Variants in BTBD8 observed in about 807,000 individuals in gnomAD.
BTBD8 encodes BTB domain containing 8, also known as BTB/POZ domain-containing protein 8.
In BTBD8, 110 loss-of-function variants were observed where a neutral mutation model predicts 162.9. The observed-to-expected ratio is 0.68, with a 90% CI of 0.58 to 0.79. The LOEUF (loss-of-function observed/expected upper bound fraction) is 0.79, where lower values mean the gene tolerates loss of function less well. BTBD8 is among the 30% of genes least tolerant of loss of function. The pLI is 0.00. For missense variants in BTBD8, 1,905 were observed against 2,085.4 expected, an observed-to-expected ratio of 0.91 and a Z score of 1.68; for synonymous variants, 667 against 716.1, an observed-to-expected ratio of 0.93 and a Z score of 1.10.
intron 13 of BTBD8, among the ~76,000 whole-genome samples, chr1:92,174,668 G>T (rs567792940): frequency 1.4e-4 from 22 of 152,000 alleles, no homozygotes; most frequent in Middle Eastern, 3.4e-3. Flanking sequence ...AACAAAAAAT[G>T]AGGACCAAGC....
chr1:92,147,787 G>T lies in BTBD8; in HGVS notation c.1122+1G>T. 6.2e-7 allele frequency: 1 copy of T among 1,606,830 alleles called. No homozygotes were observed. The highest frequency in any genetic ancestry group is 1.7e-4 in the Middle Eastern group (1 of 6,038). Reference sequence around the variant, plus strand: ...TCTTAATATGTTGATTCAGTCCTTAGTAAGTATAACCTGAATACTCTTTTG... The same window carrying T: ...TCTTAATATGTTGATTCAGTCCTTATTAAGTATAACCTGAATACTCTTTTG... On this transcript the variant is annotated splice_donor_variant, in intron 9 of 17. Coordinates refer to ENST00000636805, the MANE Select transcript of BTBD8 (RefSeq NM_001376131.1). LOFTEE classifies it high-confidence loss of function.
chr1:92,173,145 G>A (rs1275256996), intron 13 of BTBD8, among the ~76,000 whole-genome samples: 5 of 152,092 alleles, frequency 3.3e-5, no homozygotes, highest in South Asian at 2.1e-4. Flanking sequence ...GGCTGGTCTC[G>A]AACTCCCGAC....
Position 92,121,752 on chromosome 1 carries a change from G to A in BTBD8, c.663-7935G>A, listed in dbSNP as rs954182979. ...AGTACCTATCCCTACCCCAGCCACA[G>A]GCAACAAATGATTTTCATGTGCTTA... On this transcript the variant is annotated intron_variant, in intron 4 of 17. Coordinates refer to ENST00000636805, the MANE Select transcript of BTBD8 (RefSeq NM_001376131.1). 3.9e-5 allele frequency among the ~76,000 whole-genome samples: 6 copies of A among 152,184 alleles called. No homozygotes were observed. The South Asian group carries it at 1.2e-3, about 32-fold the overall frequency.
chr1:92,169,339 C>T (rs968709637), intron 12 of BTBD8, among the ~76,000 whole-genome samples: 33 of 152,180 alleles, frequency 2.2e-4, no homozygotes, highest in African/African-American at 7.9e-4. Flanking sequence ...CATACTTTTT[C>T]CTCCTTTTTA....
intron 4 of BTBD8, among the ~76,000 whole-genome samples, chr1:92,123,846 C>T (rs934852684): frequency 1.2e-4 from 18 of 149,732 alleles, no homozygotes; most frequent in African/African-American, 3.5e-4. Flanking sequence ...TTAATGCAGA[C>T]AGGATTTCCT....
At position 92,177,020 on chromosome 1, in the gene BTBD8, A is replaced by G; in HGVS notation, c.1827A>G (p.Glu609=). The G allele has an allele frequency of 1.9e-6, 3 of 1,549,000 alleles. No homozygotes were observed. The highest frequency in any genetic ancestry group is 1.7e-6 in the Non-Finnish European group (2 of 1,146,048). ...CTCTGAAGCAAGATGATGTAAAGGAAAAAGATGGTACAAAAATAGCATCTA... is the reference window on the plus strand; with the variant it reads ...CTCTGAAGCAAGATGATGTAAAGGAGAAAGATGGTACAAAAATAGCATCTA... The part of the protein sequence containing the change: ...NKTLKQDDVK[E]KDGTKIASKI... Residue 609 remains glutamate (E), a synonymous_variant, in exon 14 of 18, where the codon GAA becomes GAG. Coordinates refer to ENST00000636805, the MANE Select transcript of BTBD8 (RefSeq NM_001376131.1).
chr1:92,170,404 G>T (rs764616316), intron 12 of BTBD8, among the ~76,000 whole-genome samples: 4 of 152,038 alleles, frequency 2.6e-5, no homozygotes, highest in South Asian at 4.1e-4. Context: ...ACTACATTTC[G>T]TATGTCATAG....
chr1:92,094,010 G>A (rs893362991), intron 2 of BTBD8, among the ~76,000 whole-genome samples: 2 of 152,222 alleles, frequency 1.3e-5, no homozygotes, highest in African/African-American at 4.8e-5. Flanking sequence ...GACCCAGTAT[G>A]GGAGAGTGGA....
chr1:92,107,428 T>C (rs1011201225), intron 3 of BTBD8, among the ~76,000 whole-genome samples: 9 of 152,198 alleles, frequency 5.9e-5, no homozygotes, highest in African/African-American at 1.7e-4. Flanking sequence ...TTTCTATGCT[T>C]ACATACACAA....
intron 5 of BTBD8, among the ~76,000 whole-genome samples, chr1:92,136,494 A>C (rs1649638162): frequency 6.6e-6 from 1 of 152,124 alleles, no homozygotes; most frequent in South Asian, 2.1e-4. Context: ...TCATGATTCT[A>C]CTGCAGAGGC....
rs386367658 is a variant in BTBD8, at chr1:92,118,803, CTTTTTTT to C, written c.662+10813_662+10819del. Among the ~76,000 whole-genome samples, 13 of 95,272 alleles carry C rather than the reference CTTTTTTT, an allele frequency of 1.4e-4. 1 individual carries two copies. The highest frequency in any genetic ancestry group is 1.4e-3 in the Admixed American group (11 of 8,106). 62.5% of individuals were successfully genotyped at this position (95,272 alleles called of 152,430 possible). ...CTTATAATTTGGCTTTTCTTTCTTT[CTTTTTTT>C]TTTTTTTTTTGCTCTATTTGTTACA... On this transcript the variant is annotated intron_variant, in intron 4 of 17. Transcript: ENST00000636805.
At chr1:92,119,417 C>T (rs1649133000) in intron 4 of BTBD8, among the ~76,000 whole-genome samples, 1 of 149,424 alleles carries the variant, frequency 6.7e-6, no homozygotes, top group African/African-American at 2.5e-5. Context: ...TCTTGAGTAG[C>T]TGGGACCACA....
chr1:92,173,522 G>C (rs1650620735), intron 13 of BTBD8, among the ~76,000 whole-genome samples: 1 of 152,066 alleles, frequency 6.6e-6, no homozygotes, highest in Non-Finnish European at 1.5e-5. Context: ...AGGCTTTTCT[G>C]CCTTCCTTGC....
At position 92,080,477 on chromosome 1, in the gene BTBD8, G is replaced by A; in HGVS notation, c.-95G>A. 1.3e-6 allele frequency: 2 copies of A among 1,547,046 alleles called. No individual in the cohort carries two copies. Among genetic ancestry groups the A allele is most frequent in the East Asian group, 2.3e-5 (1 of 43,180 alleles). ...CCCTAGGGGGCGGATTTGGGTAGGA[G>A]CCGAGCGTTCGGTCGGAAACGCCCC... On this transcript the variant is annotated 5_prime_UTR_variant, in exon 1 of 18. Coordinates refer to ENST00000636805, the MANE Select transcript of BTBD8 (RefSeq NM_001376131.1).
chr1:92,177,466 C>T lies in BTBD8; in HGVS notation c.2273C>T (p.Ser758Phe). Residue 758 changes from serine to phenylalanine, a missense_variant, in exon 14 of 18, where the codon TCT becomes TTT. By Grantham distance (155) the Ser-to-Phe change is radical. Around this residue, in one of 3 missense-constraint regions of BTBD8, gnomAD observed 1,374 missense variants for 1,442.7 expected, o/e 0.95. Coordinates refer to ENST00000636805, the MANE Select transcript of BTBD8 (RefSeq NM_001376131.1). ...GGATCAACAGAAGAAGAAAAGCCTT[C>T]TGGACATAAACTATCCTTTTGTGAT... ...ENGSTEEEKP[S>F]GHKLSFCDSP... The T allele has an allele frequency of 6.4e-7, 1 of 1,551,590 alleles. No individual in the cohort carries two copies. The highest frequency in any genetic ancestry group is 8.7e-7 in the Non-Finnish European group (1 of 1,147,002).
In BTBD8 at chr1:92,184,695, A is replaced by T. The variant is rs1029659615; in HGVS notation, c.*365A>T. On this transcript the variant is annotated 3_prime_UTR_variant, in exon 18 of 18. Transcript: ENST00000636805. Reference sequence around the variant, plus strand: ...CTGCATAGGGTAACATAGTAATTTAACAATAAAAACTTACCGTGCTTGTGT... The same window carrying T: ...CTGCATAGGGTAACATAGTAATTTATCAATAAAAACTTACCGTGCTTGTGT... 1 of 158,528 alleles carries T rather than the reference A, an allele frequency of 6.3e-6. No homozygotes were observed. The highest frequency in any genetic ancestry group is 1.4e-5 in the Non-Finnish European group (1 of 72,118). The allele number at this position is 158,528 out of a possible 1,614,324, so 9.8% of individuals were successfully genotyped here. A position where few individuals can be genotyped will look rare whatever the true frequency, so the allele number is the denominator to read the frequency against.
At chr1:92,122,169 A>T (rs1424821511) in intron 4 of BTBD8, among the ~76,000 whole-genome samples, 1 of 152,018 alleles carries the variant, frequency 6.6e-6, no homozygotes, top group Non-Finnish European at 1.5e-5. Flanking sequence ...TTATTGCTGC[A>T]TAGTATTGGA....
At position 92,107,873 on chromosome 1, in the gene BTBD8, C is replaced by T. The variant is rs781417090; in HGVS notation, c.545-11C>T. ...TAAACTATTTTTTAGTCTTGTTTTT[C>T]TTTTTTAAAGATAATTATGACTTGG... On this transcript the variant is annotated splice_polypyrimidine_tract_variant and intron_variant, in intron 3 of 17. Transcript: ENST00000636805. 6.3e-7 allele frequency: 1 copy of T among 1,585,020 alleles called. No homozygotes were observed. The highest frequency in any genetic ancestry group is 8.6e-7 in the Non-Finnish European group (1 of 1,167,868).
chr1:92,087,940 G>A (rs1648203653), intron 1 of BTBD8, among the ~76,000 whole-genome samples: 1 of 152,128 alleles, frequency 6.6e-6, no homozygotes, highest in Admixed American at 6.5e-5. Flanking sequence ...CTGCAAAGAG[G>A]CAAAAGATTA....
Sources: gnomAD v4.1 joint callset for allele counts (sites outside exome capture counted in the v4.1 genomes callset) on GRCh38, gnomAD v4.1.1 for gene constraint, gnomAD v4.1.1 regional missense constraint, MANE v1.5 for transcripts, NCBI Gene and HGNC (gene_info 2026-07-23, HGNC 2026-07-21) for gene names.